Variants in MCTP1 observed in about 807,000 individuals in gnomAD.
The protein encoded by MCTP1 is multiple C2 and transmembrane domain-containing protein 1.
MCTP1 carries 69 observed loss-of-function variants against 120.6 expected under a neutral mutation model. The observed-to-expected ratio is 0.57, with a 90% confidence interval of 0.47 to 0.70. MCTP1 has a LOEUF of 0.70. Ranked by LOEUF, MCTP1 falls within the 30% of genes least tolerant of loss-of-function variation. The pLI, the probability that MCTP1 is intolerant of heterozygous loss-of-function variation, is 0.00. For missense variants in MCTP1, 1,203 were observed against 1,248.8 expected (o/e 0.96, Z 0.55); for synonymous variants, 529 against 493.1 (o/e 1.07, Z -0.96).
At chr5:95,007,127 G>A (rs1007136452) in intron 2 of MCTP1, among the ~76,000 whole-genome samples, 13 of 152,096 alleles carry the variant, frequency 8.5e-5, no homozygotes, top group African/African-American at 1.4e-4. Flanking sequence ...GAGAAAAAGG[G>A]GGGAAAAGCC....
intron 17 of MCTP1, among the ~76,000 whole-genome samples, chr5:94,842,165 G>C (rs1791204368): frequency 6.6e-6 from 1 of 152,140 alleles, no homozygotes; most frequent in African/African-American, 2.4e-5. Context: ...ACTTGAGAAG[G>C]TTTTTGTGTA....
chr5:94,775,924 C>A (rs255374), intron 19 of MCTP1, among the ~76,000 whole-genome samples: 4 of 146,742 alleles, frequency 2.7e-5, no homozygotes, highest in Non-Finnish European at 6.0e-5. Context: ...ATATATATAT[C>A]ATATAAATAT....
chr5:95,119,193 G>A lies in MCTP1; in HGVS notation c.721-101709C>T, dbSNP rs6882888. 5.9e-3 allele frequency among the ~76,000 whole-genome samples: 896 copies of A among 152,154 alleles called. 8 individuals are homozygous for A. Among genetic ancestry groups the A allele is most frequent in the African/African-American group, 0.018 (738 of 41,532 alleles). ...TGAAATAACATCAAGCATCTTCCCC[G>A]AACACAATGGAATTAAACTAGAAAT... On this transcript the variant is annotated intron_variant, in intron 1 of 22. Transcript: ENST00000515393.
chr5:94,808,462 A>G (rs1782792197), intron 17 of MCTP1, among the ~76,000 whole-genome samples: 1 of 152,156 alleles, frequency 6.6e-6, no homozygotes, highest in Admixed American at 6.5e-5. Context: ...TTATTTTGCT[A>G]TTTCCTGTGA....
chr5:95,214,281 C>T (rs1276145100), intron 1 of MCTP1, among the ~76,000 whole-genome samples: 1 of 152,044 alleles, frequency 6.6e-6, no homozygotes, highest in Non-Finnish European at 1.5e-5. Context: ...TCATCTCTGG[C>T]CATCAGAGAA....
chr5:95,248,000 C>T (rs1756989519), intron 1 of MCTP1, among the ~76,000 whole-genome samples: 1 of 152,122 alleles, frequency 6.6e-6, no homozygotes, highest in Non-Finnish European at 1.5e-5. Context: ...TCTCAATAAA[C>T]TAGGTTTTGA....
chr5:95,104,674 C>T (rs1196692670), intron 1 of MCTP1, among the ~76,000 whole-genome samples: 1 of 152,088 alleles, frequency 6.6e-6, no homozygotes, highest in Non-Finnish European at 1.5e-5. Flanking sequence ...ATTATGTTTA[C>T]TGTTTTAAAT....
intron 1 of MCTP1, among the ~76,000 whole-genome samples, chr5:95,020,421 T>A (rs1488693770): frequency 6.6e-6 from 1 of 152,068 alleles, no homozygotes; most frequent in Non-Finnish European, 1.5e-5. Context: ...AGTCATTTCC[T>A]CTTCTACAAA....
chr5:94,978,325 A>G (rs1028955353), intron 2 of MCTP1, among the ~76,000 whole-genome samples: 1 of 152,158 alleles, frequency 6.6e-6, no homozygotes, highest in South Asian at 2.1e-4. Flanking sequence ...TAGAGCTACC[A>G]TATGATTTAG....
At chr5:95,141,958 C>A (rs995404588) in intron 1 of MCTP1, among the ~76,000 whole-genome samples, 4 of 152,148 alleles carry the variant, frequency 2.6e-5, no homozygotes, top group African/African-American at 9.7e-5. Flanking sequence ...TTTCCACTTT[C>A]AACAATGACA....
At chr5:94,753,276 C>T (rs944037198) in intron 19 of MCTP1, among the ~76,000 whole-genome samples, 2 of 152,186 alleles carry the variant, frequency 1.3e-5, no homozygotes, top group African/African-American at 4.8e-5. Context: ...ACTTATCTTG[C>T]AATTTCTAGG....
intron 1 of MCTP1, among the ~76,000 whole-genome samples, chr5:95,244,850 G>A (rs866549461): frequency 2.6e-4 from 40 of 152,190 alleles, no homozygotes; most frequent in African/African-American, 9.4e-4. Flanking sequence ...CTCTCAGCAT[G>A]GCGTTTGAGC....
intron 2 of MCTP1, among the ~76,000 whole-genome samples, chr5:94,977,335 T>A (rs1828335286): frequency 6.6e-6 from 1 of 151,932 alleles, no homozygotes; most frequent in African/African-American, 2.4e-5. Flanking sequence ...CACTAATAAA[T>A]GAAAAGTCAT....
intron 1 of MCTP1, among the ~76,000 whole-genome samples, chr5:95,018,577 G>A (rs981164139): frequency 6.6e-6 from 1 of 151,748 alleles, no homozygotes; most frequent in Admixed American, 6.6e-5. Context: ...AAAACAAGAG[G>A]CAGCACAGCT....
At chr5:95,134,877 T>A (rs1759313106) in intron 1 of MCTP1, among the ~76,000 whole-genome samples, 1 of 151,494 alleles carries the variant, frequency 6.6e-6, no homozygotes, top group East Asian at 1.9e-4. Context: ...AAAATACAAT[T>A]GAAGTTACTG....
In MCTP1 at chr5:95,284,067, G is replaced by A. The variant is rs983969356; in HGVS notation, c.509C>T (p.Pro170Leu). 3 of 1,542,592 alleles carry A rather than the reference G, an allele frequency of 1.9e-6. No homozygotes were observed. Among genetic ancestry groups the A allele is most frequent in the Admixed American group, 2.0e-5 (1 of 50,034 alleles). ...SSASSSLSSSPQPPPRGDRAR... is the reference protein window; with the variant it reads ...SSASSSLSSSLQPPPRGDRAR... ...GCGGTCCCCCCTCGGGGGAGGCTGG[G>A]GCGAGGAGGACAGGGAGGATGAGGC... The change falls in exon 1 of 23, where the codon CCC becomes CTC. Residue 170 changes from proline to leucine, a missense_variant. Physicochemically the swap from Pro to Leu is moderately conservative, Grantham distance 98 (BLOSUM62 -3). Coordinates refer to ENST00000515393, the MANE Select transcript of MCTP1 (RefSeq NM_024717.7). The surrounding 1 kb of genome is among the most constrained non-coding windows in gnomAD (Gnocchi z 5.2).
intron 19 of MCTP1, among the ~76,000 whole-genome samples, chr5:94,723,035 T>C (rs1761264880): frequency 1.3e-5 from 2 of 152,196 alleles, no homozygotes; most frequent in Admixed American, 1.3e-4. Context: ...TCAAATGTTT[T>C]CTCTGTGCCA....
intron 1 of MCTP1, among the ~76,000 whole-genome samples, chr5:95,107,983 T>C (rs1757209195): frequency 6.6e-6 from 1 of 152,204 alleles, no homozygotes; most frequent in African/African-American, 2.4e-5. Context: ...GTCTCACCAT[T>C]CTGAAGCACT....
At chr5:95,032,853 GA>G (rs1409453761) in intron 1 of MCTP1, among the ~76,000 whole-genome samples, 1 of 151,748 alleles carries the variant, frequency 6.6e-6, no homozygotes, top group African/African-American at 2.4e-5. Flanking sequence ...GATTAACCAA[GA>G]AAAAAAGAGA....
Sources: allele counts gnomAD v4.1 joint callset (sites outside exome capture counted in the v4.1 genomes callset), GRCh38; gene constraint gnomAD v4.1.1; non-coding constraint Gnocchi (gnomAD v3.1); transcripts MANE v1.5; gene names NCBI Gene and HGNC (gene_info 2026-07-23, HGNC 2026-07-21).